The following PTPRG variants were observed in gnomAD, a reference collection of about 807,000 sequenced individuals.
PTPRG encodes the protein receptor-type tyrosine-protein phosphatase gamma.
A neutral mutation model predicts 165.3 loss-of-function variants in PTPRG; 102 were observed. The ratio of observed to expected loss-of-function variants is 0.62; its 90% confidence interval spans 0.53 to 0.73. PTPRG has a LOEUF of 0.73. PTPRG is among the 30% of genes least tolerant of loss of function. PTPRG has a pLI of 0.00. For synonymous variants in PTPRG, 675 were observed against 669.5 expected (o/e 1.01, Z -0.13); for missense variants, 1,866 against 1,861.4 (o/e 1.00, Z -0.05).
intron 2 of PTPRG, among the ~76,000 whole-genome samples, chr3:61,956,822 T>C (rs766873937): frequency 2.0e-5 from 3 of 152,214 alleles, no homozygotes; most frequent in Non-Finnish European, 4.4e-5. Context: ...GTCTTAGTTA[T>C]TGGCTCTTTA....
chr3:61,587,688 ACTTTGTCATCC>A (rs1212995982), intron 1 of PTPRG, among the ~76,000 whole-genome samples: 1 of 152,084 alleles, frequency 6.6e-6, no homozygotes, highest in East Asian at 1.9e-4. Flanking sequence ...ACAGGGTCTT[ACTTTGTCATCC>A]AGGCTGGAGT....
chr3:61,841,661 C>A (rs902682385), intron 2 of PTPRG, among the ~76,000 whole-genome samples: 1 of 151,878 alleles, frequency 6.6e-6, no homozygotes, highest in African/African-American at 2.4e-5. Context: ...CAGTCATGTG[C>A]TTCTGTCCAC....
intron 14 of PTPRG, among the ~76,000 whole-genome samples, chr3:62,239,294 C>A (rs991749755): frequency 6.6e-6 from 1 of 151,698 alleles, no homozygotes; most frequent in African/African-American, 2.4e-5. Context: ...TGAAATTGCA[C>A]GCTCAGTGAC....
chr3:61,588,323 T>C (rs545343366), intron 1 of PTPRG, among the ~76,000 whole-genome samples: 3 of 152,314 alleles, frequency 2.0e-5, no homozygotes, highest in Admixed American at 2.0e-4. Flanking sequence ...ACAGTTGTAC[T>C]CTTATACTGA....
chr3:61,763,050 C>A (rs2033904376), intron 2 of PTPRG, among the ~76,000 whole-genome samples: 1 of 152,144 alleles, frequency 6.6e-6, no homozygotes, highest in Non-Finnish European at 1.5e-5. Flanking sequence ...AAGCATCCCA[C>A]CCCTGGTGAA....
chr3:61,826,972 C>T (rs2036131471), intron 2 of PTPRG, among the ~76,000 whole-genome samples: 2 of 152,000 alleles, frequency 1.3e-5, no homozygotes, highest in Non-Finnish European at 1.5e-5. Flanking sequence ...CTTACTTATC[C>T]CGCCCTCTTC....
intron 1 of PTPRG, among the ~76,000 whole-genome samples, chr3:61,674,611 T>TA (rs1703159177): frequency 6.6e-6 from 1 of 152,078 alleles, no homozygotes; most frequent in Admixed American, 6.6e-5. Context: ...TGCTGACTTC[T>TA]GTTTGGTTTA....
chr3:61,929,201 A>AATTT (rs2039299743), intron 2 of PTPRG, among the ~76,000 whole-genome samples: 1 of 152,128 alleles, frequency 6.6e-6, no homozygotes, highest in Non-Finnish European at 1.5e-5. Flanking sequence ...CACATGCATA[A>AATTT]AGCCTTCTTT....
At chr3:62,257,966 G>C (rs1701582182) in intron 16 of PTPRG, among the ~76,000 whole-genome samples, 1 of 151,868 alleles carries the variant, frequency 6.6e-6, no homozygotes, top group Non-Finnish European at 1.5e-5. Context: ...CCTGTCTCAG[G>C]AAAAAACACC....
At chr3:61,664,801 A>T (rs948804271) in intron 1 of PTPRG, among the ~76,000 whole-genome samples, 1 of 152,242 alleles carries the variant, frequency 6.6e-6, no homozygotes, top group Non-Finnish European at 1.5e-5. Flanking sequence ...ATTGCACTCC[A>T]GCCTGGGCGA....
At chr3:61,583,270 C>G (rs991596744) in intron 1 of PTPRG, among the ~76,000 whole-genome samples, 1 of 152,172 alleles carries the variant, frequency 6.6e-6, no homozygotes, top group Non-Finnish European at 1.5e-5. Context: ...CCCCTGAACG[C>G]AAGGCTGAGG....
intron 2 of PTPRG, among the ~76,000 whole-genome samples, chr3:61,896,980 T>C (rs1456626459): frequency 6.6e-6 from 1 of 152,096 alleles, no homozygotes; most frequent in Non-Finnish European, 1.5e-5. Context: ...TACTAGTCCT[T>C]TGTTGAATTT....
chr3:62,204,910 G>A (rs1700190080), intron 12 of PTPRG, among the ~76,000 whole-genome samples: 1 of 152,084 alleles, frequency 6.6e-6, no homozygotes, highest in African/African-American at 2.4e-5. Context: ...ATTGTTGTGA[G>A]GGCTTTTCTT....
rs554345269 is a variant in PTPRG at position 62,235,748 on chromosome 3, T to C, written c.2375+4437T>C. Among the ~76,000 whole-genome samples the C allele has an allele frequency of 5.3e-5, 8 of 152,312 alleles. No individual in the cohort carries two copies. The South Asian group carries it at 1.7e-3, about 32-fold the overall frequency. On this transcript the variant is annotated intron_variant, in intron 14 of 29. Transcript: ENST00000474889. ...GGCCATCTCTCCTATTCATGTGAAA[T>C]CCAAAATATTTTTGAAACATTCTCT...
chr3:62,235,882 T>C (rs1324957396), intron 14 of PTPRG, among the ~76,000 whole-genome samples: 1 of 152,204 alleles, frequency 6.6e-6, no homozygotes, highest in Non-Finnish European at 1.5e-5. Flanking sequence ...TGTTAAGCCC[T>C]GCTTATCTAA....
intron 17 of PTPRG, chr3:62,263,943 C>A (rs191106309): frequency 6.6e-6 from 1 of 152,052 alleles, no homozygotes; most frequent in Non-Finnish European, 1.5e-5. Context: ...GTCAGGAGAT[C>A]GAGACCATCC....
intron 2 of PTPRG, among the ~76,000 whole-genome samples, chr3:61,833,067 T>TTGTGTGAGTG (rs2036349831): frequency 6.8e-6 from 1 of 146,792 alleles, no homozygotes; most frequent in African/African-American, 2.6e-5. Context: ...TAGTATTCCA[T>TTGTGTGAGTG]TGTGTGTGTG....
intron 2 of PTPRG, among the ~76,000 whole-genome samples, chr3:61,976,681 A>C (rs560729215): frequency 6.6e-6 from 1 of 152,070 alleles, no homozygotes; most frequent in South Asian, 2.1e-4. Flanking sequence ...TCTTTTTAAA[A>C]AATTTTTTTT....
At chr3:61,605,573 GT>G (rs943264537) in intron 1 of PTPRG, among the ~76,000 whole-genome samples, 124 of 24,468 alleles carry the variant, frequency 5.1e-3, no homozygotes, top group Non-Finnish European at 0.021. Context: ...TTATTTTTTT[GT>G]TTTTTTTATT....
Sources: allele counts gnomAD v4.1 joint callset (sites outside exome capture counted in the v4.1 genomes callset), GRCh38; gene constraint gnomAD v4.1.1; transcripts MANE v1.5; gene names NCBI Gene and HGNC (gene_info 2026-07-23, HGNC 2026-07-21).